Variants in ELAVL2 observed in about 807,000 individuals in gnomAD.
ELAVL2 encodes ELAV-like protein 2.
A neutral mutation model predicts 34.6 loss-of-function variants in ELAVL2; 4 were observed. That is an observed-to-expected ratio of 0.12 (90% CI 0.06 to 0.26). The LOEUF (loss-of-function observed/expected upper bound fraction) is 0.26, where lower values mean the gene tolerates loss of function less well. ELAVL2 is among the 10% of genes least tolerant of loss of function. The probability of loss-of-function intolerance (pLI) is 1.00; values close to 1 mark genes in which losing one functional copy is unlikely to be tolerated. For synonymous variants in ELAVL2, 193 were observed against 154.8 expected (o/e 1.25, Z -1.83); for missense variants, 432 against 442.8 (o/e 0.98, Z 0.22).
the ELAVL2 span, among the ~76,000 whole-genome samples, chr9:23,837,659 C>A: frequency 6.6e-6 from 1 of 152,056 alleles, no homozygotes; most frequent in Non-Finnish European, 1.5e-5. Context: ...TATTGGAGTA[C>A]CTTTAAGGTA....
intron 1 of ELAVL2, among the ~76,000 whole-genome samples, chr9:23,825,057 T>G (rs1588878586): frequency 6.6e-6 from 1 of 152,286 alleles, no homozygotes; most frequent in East Asian, 1.9e-4. Flanking sequence ...AGGATCTTAT[T>G]TACGCTTTTC....
chr9:23,748,552 G>A (rs1301056653), intron 2 of ELAVL2, among the ~76,000 whole-genome samples: 1 of 152,164 alleles, frequency 6.6e-6, no homozygotes, highest in African/African-American at 2.4e-5. Context: ...GGAGTGATAA[G>A]AGATTGAAGG....
chr9:23,728,918 C>T (rs1193897676), intron 3 of ELAVL2, among the ~76,000 whole-genome samples: 1 of 152,088 alleles, frequency 6.6e-6, no homozygotes, highest in African/African-American at 2.4e-5. Flanking sequence ...AAGTAGCCTG[C>T]TATTTGCCCA....
At position 23,765,020 on chromosome 9, in the gene ELAVL2, G is replaced by A. The variant is rs1294227295; in HGVS notation, c.-15-2771C>T. 3.7e-6 allele frequency: 6 copies of A among 1,609,066 alleles called. No individual in the cohort carries two copies. In the East Asian group the frequency reaches 8.9e-5, roughly 24 times the overall value. On this transcript the variant is annotated intron_variant, in intron 1 of 6. Transcript: ENST00000397312. ...AAAATCCCACAGACCCCGGTCCAAG[G>A]CTCTGCTGCCCACGAACCACTTCTA... is the stretch of plus-strand genomic sequence containing the variant.
intron 5 of ELAVL2, among the ~76,000 whole-genome samples, chr9:23,695,857 G>A (rs765532910): frequency 3.9e-5 from 6 of 152,132 alleles, no homozygotes; most frequent in Non-Finnish European, 8.8e-5. Context: ...TAACTGAAAC[G>A]TTATGTGATG....
intron 1 of ELAVL2, among the ~76,000 whole-genome samples, chr9:23,769,978 T>C (rs1354869721): frequency 6.6e-6 from 1 of 152,130 alleles, no homozygotes; most frequent in African/African-American, 2.4e-5. Flanking sequence ...GGTATCCAGT[T>C]TGAGCAATGG....
At chr9:23,752,876 T>C (rs975383832) in intron 2 of ELAVL2, among the ~76,000 whole-genome samples, 1 of 152,142 alleles carries the variant, frequency 6.6e-6, no homozygotes, top group Non-Finnish European at 1.5e-5. Context: ...CTCGATTACA[T>C]AAAGATGATA....
intron 1 of ELAVL2, among the ~76,000 whole-genome samples, chr9:23,799,027 G>C (rs935642856): frequency 2.0e-5 from 3 of 152,158 alleles, no homozygotes; most frequent in African/African-American, 7.2e-5. Context: ...GTCATGTAAA[G>C]TGAAGGATGG....
intron 3 of ELAVL2, among the ~76,000 whole-genome samples, chr9:23,720,815 C>G (rs1005573875): frequency 6.6e-6 from 1 of 152,160 alleles, no homozygotes; most frequent in Admixed American, 6.5e-5. Context: ...TTTCTCAGGT[C>G]AGGCCACCAT....
chr9:23,766,702 A>G (rs772382319), intron 1 of ELAVL2, among the ~76,000 whole-genome samples: 2 of 152,134 alleles, frequency 1.3e-5, no homozygotes, highest in Non-Finnish European at 2.9e-5. Context: ...TGAGGCAGAC[A>G]CATACCTTTA....
chr9:23,806,715 G>C (rs1027250462), intron 1 of ELAVL2, among the ~76,000 whole-genome samples: 4 of 152,058 alleles, frequency 2.6e-5, no homozygotes, highest in South Asian at 4.1e-4. Context: ...CAATGTAGTT[G>C]AAAGTAACAT....
intron 3 of ELAVL2, among the ~76,000 whole-genome samples, chr9:23,706,148 T>G (rs755942914): frequency 1.6e-4 from 25 of 152,198 alleles, no homozygotes; most frequent in Non-Finnish European, 2.9e-4. Context: ...TCCCTATAAT[T>G]AACTTTGCCT....
intron 3 of ELAVL2, among the ~76,000 whole-genome samples, chr9:23,710,870 G>A (rs2040745768): frequency 6.6e-6 from 1 of 152,090 alleles, no homozygotes; most frequent in Non-Finnish European, 1.5e-5. Flanking sequence ...GGCTACATCG[G>A]ACCTTCCAAA....
intron 1 of ELAVL2, among the ~76,000 whole-genome samples, chr9:23,782,022 T>G (rs1338954925): frequency 1.3e-5 from 2 of 152,094 alleles, no homozygotes; most frequent in Non-Finnish European, 2.9e-5. Flanking sequence ...GGTTTTGCCA[T>G]GTTGCTCAGG....
intron 1 of ELAVL2, among the ~76,000 whole-genome samples, chr9:23,796,272 T>G (rs1017544773): frequency 1.5e-4 from 23 of 152,226 alleles, no homozygotes; most frequent in Admixed American, 1.2e-3. Context: ...ATGTGGAAGC[T>G]TATTACATAT....
At chr9:23,806,545 G>A (rs1222836845) in intron 1 of ELAVL2, among the ~76,000 whole-genome samples, 3 of 152,016 alleles carry the variant, frequency 2.0e-5, no homozygotes, top group African/African-American at 7.2e-5. Context: ...GCTGATGCTG[G>A]AGGATCCCTA....
At chr9:23,819,965 G>T (rs144614693) in intron 1 of ELAVL2, among the ~76,000 whole-genome samples, 89 of 152,114 alleles carry the variant, frequency 5.9e-4, no homozygotes, top group African/African-American at 2.0e-3. Flanking sequence ...CTATAAAGAA[G>T]GCCCCTACCA....
chr9:23,810,664 G>C (rs561220681), intron 1 of ELAVL2, among the ~76,000 whole-genome samples: 4 of 152,140 alleles, frequency 2.6e-5, no homozygotes, highest in Non-Finnish European at 5.9e-5. Context: ...GGGATCCATG[G>C]AAAGAGGTAC....
At chr9:23,761,828 TTTATGATTTAAAAAGA>T (rs1284994781) in intron 2 of ELAVL2, among the ~76,000 whole-genome samples, 162 bp downstream of exon 2, 3 of 152,124 alleles carry the variant, frequency 2.0e-5, no homozygotes, top group African/African-American at 7.2e-5. Context: ...CCCAAAATAG[TTTATGATTTAAAAAGA>T]AAATTTTAAA....
Sources: gnomAD v4.1 joint callset for allele counts (sites outside exome capture counted in the v4.1 genomes callset) on GRCh38, gnomAD v4.1.1 for gene constraint, MANE v1.5 for transcripts, NCBI Gene and HGNC (gene_info 2026-07-23, HGNC 2026-07-21) for gene names.